The following SKP2 variants were observed in gnomAD, a reference collection of about 807,000 sequenced individuals.
The protein encoded by SKP2 is S-phase kinase-associated protein 2.
In SKP2, 16 loss-of-function variants were observed where a neutral mutation model predicts 51.8. That is an observed-to-expected ratio of 0.31 (90% confidence interval 0.21 to 0.47). SKP2 has a LOEUF of 0.47. SKP2 is among the 20% of genes least tolerant of loss of function. The pLI, the probability that SKP2 is intolerant of heterozygous loss-of-function variation, is 1.00. For synonymous variants in SKP2, 176 were observed against 198.6 expected (o/e 0.89, Z 0.96); for missense variants, 377 against 505.3 (o/e 0.75, Z 2.43).
intron 6 of SKP2, among the ~76,000 whole-genome samples, chr5:36,189,932 CCCTAG>C (rs1745990820): frequency 6.6e-6 from 1 of 152,182 alleles, no homozygotes; most frequent in South Asian, 2.1e-4. Flanking sequence ...GGCACCCCTC[CCCTAG>C]CCTCGCTGCT....
At chr5:36,186,977 T>C (rs1745961511), downstream of SKP2, among the ~76,000 whole-genome samples, 2 of 152,228 alleles carry the variant, frequency 1.3e-5, no homozygotes, top group African/African-American at 4.8e-5. Context: ...CTTGGGAGGA[T>C]GTATGTGTCG....
chr5:36,155,730 C>T (rs539892031), intron 2 of SKP2, among the ~76,000 whole-genome samples: 17 of 152,296 alleles, frequency 1.1e-4, no homozygotes, highest in African/African-American at 4.1e-4. Context: ...AAGATACTTC[C>T]TGCTAAGATG....
intron 2 of SKP2, among the ~76,000 whole-genome samples, chr5:36,156,803 C>G (rs1001709288): frequency 1.3e-5 from 2 of 152,114 alleles, no homozygotes; most frequent in Non-Finnish European, 2.9e-5. Flanking sequence ...TACTGTATAT[C>G]AGAATCCCCA....
Position 36,166,528 on chromosome 5 carries a change from G to A in SKP2, c.402G>A (p.Glu134=). The change falls in exon 4 of 10, where the codon GAG becomes GAA. Residue 134 remains glutamate (E), a synonymous_variant. Coordinates refer to ENST00000274255, the MANE Select transcript of SKP2 (RefSeq NM_005983.4). ...CKRWYRLASD[E]SLWQTLDLTG... ...ATCTCCTCTTTTATAGGTCTGATGA[G>A]TCTCTATGGCAGACCTTAGACCTCA... is the stretch of plus-strand genomic sequence containing the variant. 6.2e-7 allele frequency: 1 copy of A among 1,614,066 alleles called. No homozygotes were observed. The highest frequency in any genetic ancestry group is 1.3e-5 in the African/African-American group (1 of 75,028).
In SKP2 at chr5:36,177,270, G is replaced by A. The variant is rs748272690; in HGVS notation, c.1039G>A (p.Asp347Asn). The A allele has an allele frequency of 6.2e-7, 1 of 1,606,514 alleles. No homozygotes were observed. The highest frequency in any genetic ancestry group is 1.1e-5 in the South Asian group (1 of 90,900). The change falls in exon 9 of 10, where the codon GAT becomes AAT. Residue 347 changes from aspartate (D) to asparagine (N), a missense_variant. Physicochemically the swap from Asp to Asn is conservative, Grantham distance 23. This residue lies in a region of SKP2 where 262 missense variants were observed against 389.8 expected (regional missense o/e 0.67). Coordinates refer to ENST00000274255, the MANE Select transcript of SKP2 (RefSeq NM_005983.4). ...ACACCTATCACTCAGTCGGTGCTATGATATAATACCTGAAACTTTACTGTA... is the reference window on the plus strand; with the variant it reads ...ACACCTATCACTCAGTCGGTGCTATAATATAATACCTGAAACTTTACTGTA... ...LQHLSLSRCY[D>N]IIPETLLELG...
chr5:36,182,510 C>A lies in SKP2; in HGVS notation c.*479C>A. 1.5e-5 allele frequency: 15 copies of A among 985,660 alleles called. No individual in the cohort carries two copies. Among genetic ancestry groups the A allele is most frequent in the Non-Finnish European group, 1.7e-5 (14 of 830,078 alleles). The allele number at this position is 985,660 out of a possible 1,614,324, so 61.1% of individuals were successfully genotyped here. ...CAAAAAGAGAATCATAGGATAGTAG[C>A]GTCTGAGGCCATCTTTTCTAGGAAT... On this transcript the variant is annotated 3_prime_UTR_variant, in exon 10 of 10. Transcript: ENST00000274255.
chr5:36,188,572 G>C (rs1745977197), downstream of SKP2, among the ~76,000 whole-genome samples: 1 of 152,106 alleles, frequency 6.6e-6, no homozygotes. Flanking sequence ...CTCTCTTCTG[G>C]CTTGTAGAGT....
intron 2 of SKP2, among the ~76,000 whole-genome samples, chr5:36,156,360 A>G (rs1744947030): frequency 6.6e-6 from 1 of 152,202 alleles, no homozygotes; most frequent in Non-Finnish European, 1.5e-5. Flanking sequence ...AGAACAGGCC[A>G]CACCTGCTGT....
downstream of SKP2, among the ~76,000 whole-genome samples, chr5:36,186,750 G>C (rs184034116): frequency 6.6e-6 from 1 of 152,060 alleles, no homozygotes. Context: ...GGATGATGCT[G>C]GCCTCACAAA....
At chr5:36,171,471 T>TA (rs1171999530) in intron 6 of SKP2, 132 bp from the exon 7 acceptor site, 2 of 849,256 alleles carry the variant, frequency 2.4e-6, no homozygotes, top group African/African-American at 3.4e-5. Flanking sequence ...TAGCTACTGT[T>TA]AGAGAAGCAG....
intron 6 of SKP2, 91 bp from the exon 7 acceptor site, chr5:36,171,512 A>G (rs548023492): frequency 5.1e-6 from 6 of 1,170,842 alleles, no homozygotes; most frequent in East Asian, 4.7e-5. Flanking sequence ...TAAGGAATCC[A>G]TGGTTTTATA....
intron 5 of SKP2, among the ~76,000 whole-genome samples, chr5:36,169,186 T>G (rs994051767): frequency 3.9e-5 from 6 of 152,180 alleles, no homozygotes; most frequent in African/African-American, 1.4e-4. Context: ...GGCTCACACC[T>G]GTAATCCCAG....
chr5:36,193,161 T>A (rs1746081690), intron 7 of SKP2: 1 of 152,086 alleles, frequency 6.6e-6, no homozygotes, highest in Non-Finnish European at 1.5e-5. Context: ...AGATTAAGGA[T>A]GGAGTTGGCA....
At position 36,181,041 on chromosome 5, in the gene SKP2, TGAAACAGAATTTGA is replaced by T. The variant is rs1021276893; in HGVS notation, c.1062-763_1062-750del. Among the ~76,000 whole-genome samples, 16 of 152,268 alleles carry T rather than the reference TGAAACAGAATTTGA, an allele frequency of 1.1e-4. No homozygotes were observed. In the South Asian group the frequency reaches 1.7e-3, roughly 16 times the overall value. Reference sequence around the variant, plus strand: ...ATTTACTTTGGAAAAACAGAATTTGTGAAACAGAATTTGAGAAACAGAATTTGTGAAACAGAATT... The same window carrying T: ...ATTTACTTTGGAAAAACAGAATTTGTGAAACAGAATTTGTGAAACAGAATT... On this transcript the variant is annotated intron_variant, in intron 9 of 9. Transcript: ENST00000274255.
Position 36,181,907 on chromosome 5 carries a change from C to T in SKP2, c.1151C>T (p.Pro384Leu). 3 of 1,614,138 alleles carry T rather than the reference C, an allele frequency of 1.9e-6. No individual in the cohort carries two copies. The highest frequency in any genetic ancestry group is 2.5e-6 in the Non-Finnish European group (3 of 1,180,020). ...CTTCAACTGTTAAAGGAAGCCCTTC[C>T]TCATCTACAGATTAATTGCTCCCAT... ...GTLQLLKEALPHLQINCSHFT... is the reference protein window; with the variant it reads ...GTLQLLKEALLHLQINCSHFT... The change falls in exon 10 of 10, where the codon CCT (proline) becomes CTT (leucine). Residue 384 changes from proline to leucine, a missense_variant. Coordinates refer to ENST00000274255, the MANE Select transcript of SKP2 (RefSeq NM_005983.4).
chr5:36,170,868 T>A (rs1437449219), intron 6 of SKP2, among the ~76,000 whole-genome samples: 2 of 152,218 alleles, frequency 1.3e-5, no homozygotes, highest in Non-Finnish European at 2.9e-5. Context: ...TTCATAATAA[T>A]GTCAGCACAT....
At chr5:36,176,772 G>C (rs40030) in intron 7 of SKP2, among the ~76,000 whole-genome samples, 193 bp from the exon 8 acceptor site, 2 of 151,620 alleles carry the variant, frequency 1.3e-5, no homozygotes, top group Non-Finnish European at 2.9e-5. Flanking sequence ...TTTCTTTTTC[G>C]GATGATTCTC....
At chr5:36,186,405 T>G (rs1214673942), downstream of SKP2, among the ~76,000 whole-genome samples, 1 of 152,244 alleles carries the variant, frequency 6.6e-6, no homozygotes, top group African/African-American at 2.4e-5. Flanking sequence ...TAAATAGCTC[T>G]TATTATTTTG....
downstream of SKP2, among the ~76,000 whole-genome samples, chr5:36,187,798 TTC>T (rs575080380): frequency 2.6e-5 from 4 of 152,204 alleles, no homozygotes; most frequent in East Asian, 3.8e-4. Context: ...CTTTTTAACT[TTC>T]TGTCTTGTTG....
Sources: allele counts gnomAD v4.1 joint callset (sites outside exome capture counted in the v4.1 genomes callset), GRCh38; gene constraint gnomAD v4.1.1; regional missense constraint gnomAD v4.1.1; transcripts MANE v1.5; gene names NCBI Gene and HGNC (gene_info 2026-07-23, HGNC 2026-07-21).